CARF: variants seen among roughly 807,000 people sequenced by gnomAD.
CARF encodes calcium-responsive transcription factor.
CARF carries 57 observed loss-of-function variants against 82.0 expected under a neutral mutation model. The observed-to-expected ratio is 0.70, with a 90% CI of 0.56 to 0.87. CARF has a LOEUF of 0.87. CARF is among the 40% of genes least tolerant of loss of function. CARF has a pLI of 0.00. For synonymous variants in CARF, 268 were observed against 290.1 expected (o/e 0.92, Z 0.77); for missense variants, 771 against 855.8 (o/e 0.90, Z 1.24).
intron 8 of CARF, 60 bp downstream of exon 8, chr2:202,955,818 C>G: frequency 2.4e-6 from 3 of 1,266,358 alleles, no homozygotes; most frequent in Non-Finnish European, 3.4e-6. Context: ...CAGGTCATCC[C>G]CAAATGCCAC....
chr2:202,976,099 A>C (rs57718010), intron 13 of CARF, among the ~76,000 whole-genome samples: 66,453 of 151,428 alleles, frequency 0.44, 16,553 homozygotes, highest in Middle Eastern at 0.69. Context: ...ATACATACAT[A>C]CATACAGTTC....
intron 6 of CARF, among the ~76,000 whole-genome samples, chr2:202,953,557 A>G (rs1393092760): frequency 8.9e-6 from 1 of 111,964 alleles, no homozygotes; most frequent in Admixed American, 1.2e-4. Context: ...CTCTTTTCCA[A>G]CCTCATAGCT....
At chr2:202,918,834 A>G (rs975116971) in intron 2 of CARF, among the ~76,000 whole-genome samples, 2 of 152,190 alleles carry the variant, frequency 1.3e-5, no homozygotes, top group Non-Finnish European at 2.9e-5. Flanking sequence ...TATTAAAACC[A>G]ACTTTTCCGT....
chr2:202,977,199 G>C (rs1471737692), intron 13 of CARF, 70 bp from the exon 14 acceptor site: 2 of 1,119,686 alleles, frequency 1.8e-6, no homozygotes, highest in East Asian at 2.4e-5. Flanking sequence ...TATGACAGTC[G>C]TAATGACGTC....
intron 3 of CARF, among the ~76,000 whole-genome samples, chr2:202,935,798 A>G (rs1693838447): frequency 6.6e-6 from 1 of 151,926 alleles, no homozygotes; most frequent in South Asian, 2.1e-4. Context: ...TTATCATACC[A>G]TTCACATACC....
intron 14 of CARF, among the ~76,000 whole-genome samples, chr2:202,978,989 G>A (rs772975676): frequency 2.0e-5 from 3 of 152,202 alleles, no homozygotes; most frequent in Non-Finnish European, 4.4e-5. Flanking sequence ...GGGCACGGTG[G>A]CTCACACCTG....
chr2:202,919,148 A>G (rs1450048089), intron 2 of CARF, among the ~76,000 whole-genome samples: 2 of 151,900 alleles, frequency 1.3e-5, no homozygotes, highest in Non-Finnish European at 2.9e-5. Context: ...TTGCTTTCTC[A>G]CCTCCAAGTA....
At position 202,954,115 on chromosome 2, in the gene CARF, C is replaced by T. The variant is rs781594415; in HGVS notation, c.538C>T (p.Pro180Ser). 6.2e-7 allele frequency: 1 copy of T among 1,612,670 alleles called. No homozygotes were observed. Among genetic ancestry groups the T allele is most frequent in the South Asian group, 1.1e-5 (1 of 90,824 alleles). Reference sequence around the variant, plus strand: ...TCATCCTCAAACATCCTTCCCATTGCCCAAAAAGTCAGTGACCGGGTGAGT... The same window carrying T: ...TCATCCTCAAACATCCTTCCCATTGTCCAAAAAGTCAGTGACCGGGTGAGT... Reference protein sequence around the residue: ...ILHPQTSFPLPKKSVTGMLEE... With the variant: ...ILHPQTSFPLSKKSVTGMLEE... The change falls in exon 7 of 17, where the codon CCC becomes TCC. Residue 180 changes from proline (P) to serine (S), a missense_variant. Physicochemically the swap from Pro to Ser is moderately conservative, Grantham distance 74 (BLOSUM62 -1). Coordinates refer to ENST00000438828, the MANE Select transcript of CARF (RefSeq NM_024744.17).
rs766825107 is a variant in CARF, at chr2:202,955,791, T to G, written c.642+33T>G. The G allele has an allele frequency of 4.6e-6, 7 of 1,530,948 alleles. 1 individual carries two copies. The highest frequency in any genetic ancestry group is 4.5e-5 in the East Asian group (2 of 44,050). The allele number at this position is 1,530,948 out of a possible 1,614,324, so 94.8% of individuals were successfully genotyped here. A position where few individuals can be genotyped will look rare whatever the true frequency, so the allele number is the denominator to read the frequency against. On this transcript the variant is annotated intron_variant, in intron 8 of 16. Transcript: ENST00000438828. ...ATAAATAATCATTACCTAGAATTACTTAACTGATTATAACCACAGGTCATC... is the reference window on the plus strand; with the variant it reads ...ATAAATAATCATTACCTAGAATTACGTAACTGATTATAACCACAGGTCATC...
At chr2:202,928,217 A>G (rs1018501278) in intron 3 of CARF, among the ~76,000 whole-genome samples, 7 of 152,198 alleles carry the variant, frequency 4.6e-5, no homozygotes, top group Non-Finnish European at 8.8e-5. Context: ...GAGTGAGAAC[A>G]TGCAGTATTT....
At chr2:202,966,817 T>G (rs2059572422) in intron 9 of CARF, among the ~76,000 whole-genome samples, 161 bp from the exon 10 acceptor site, 1 of 152,224 alleles carries the variant, frequency 6.6e-6, no homozygotes, top group Admixed American at 6.5e-5. Flanking sequence ...AACTTTTAAA[T>G]TTATATGTTT....
At chr2:202,977,196 G>A in intron 13 of CARF, 73 bp from the exon 14 acceptor site, 1 of 1,087,542 alleles carries the variant, frequency 9.2e-7, no homozygotes. Context: ...AAATATGACA[G>A]TCGTAATGAC....
intron 3 of CARF, among the ~76,000 whole-genome samples, chr2:202,940,516 C>G (rs2105797217): frequency 6.6e-6 from 1 of 151,898 alleles, no homozygotes; most frequent in Non-Finnish European, 1.5e-5. Context: ...TTTTGGCATT[C>G]TTTGATTGTT....
chr2:202,922,815 A>G (rs1405868454), intron 2 of CARF, among the ~76,000 whole-genome samples: 1 of 152,044 alleles, frequency 6.6e-6, no homozygotes, highest in Non-Finnish European at 1.5e-5. Flanking sequence ...TGTCTCAAAA[A>G]AGAAAAAAGA....
In CARF at chr2:202,978,738, T is replaced by C. The variant is rs142906282; in HGVS notation, c.1558+1406T>C. Among the ~76,000 whole-genome samples the C allele has an allele frequency of 1.4e-4, 21 of 152,248 alleles. 1 individual carries two copies. The highest frequency in any genetic ancestry group is 5.1e-4 in the African/African-American group (21 of 41,544). ...GCCATTTTTATGCAGAGTTAGGGTTTTACTGGAGGGATATGACCAAAGGAC... is the reference window on the plus strand; with the variant it reads ...GCCATTTTTATGCAGAGTTAGGGTTCTACTGGAGGGATATGACCAAAGGAC... On this transcript the variant is annotated intron_variant, in intron 14 of 16. Coordinates refer to ENST00000438828, the MANE Select transcript of CARF (RefSeq NM_024744.17).
At chr2:202,937,146 T>C (rs918076361) in intron 3 of CARF, among the ~76,000 whole-genome samples, 1 of 152,222 alleles carries the variant, frequency 6.6e-6, no homozygotes, top group Admixed American at 6.5e-5. Flanking sequence ...GTTGTATTTA[T>C]TGCTCTAAAT....
Position 202,941,934 on chromosome 2 carries a change from A to C in CARF, c.32A>C (p.Asn11Thr), listed in dbSNP as rs2058247206. ...CAATCTAATGATTCATTAAGAGTCA[A>C]CCATAATGACGGTGAAGAGTCAAAA... The part of the protein sequence containing the change: MEQSNDSLRV[N>T]HNDGEESKTS... Residue 11 changes from asparagine (N) to threonine (T), a missense_variant, in exon 4 of 17, where the codon AAC (asparagine) becomes ACC (threonine). Transcript: ENST00000438828. The C allele has an allele frequency of 5.0e-6, 8 of 1,613,470 alleles. No homozygotes were observed. Among genetic ancestry groups the C allele is most frequent in the Non-Finnish European group, 6.8e-6 (8 of 1,179,556 alleles).
intron 2 of CARF, among the ~76,000 whole-genome samples, chr2:202,920,157 CTT>C (rs969806621): frequency 9.1e-5 from 13 of 142,254 alleles, no homozygotes; most frequent in Admixed American, 2.1e-4. Flanking sequence ...AATTCATAAT[CTT>C]TTTTTTTTTT....
chr2:202,975,073 G>T (rs1186218875), intron 13 of CARF, among the ~76,000 whole-genome samples: 2 of 152,134 alleles, frequency 1.3e-5, no homozygotes, highest in Non-Finnish European at 2.9e-5. Flanking sequence ...CACTGTGGGA[G>T]GCCGAGGCGG....
Sources: allele counts gnomAD v4.1 joint callset (sites outside exome capture counted in the v4.1 genomes callset), GRCh38; gene constraint gnomAD v4.1.1; transcripts MANE v1.5; gene names NCBI Gene and HGNC (gene_info 2026-07-23, HGNC 2026-07-21).